TFDP1: variants seen among roughly 807,000 people sequenced by gnomAD.
TFDP1 encodes transcription factor Dp-1.
A neutral mutation model predicts 48.0 loss-of-function variants in TFDP1; 6 were observed. That is an observed-to-expected ratio of 0.13 (90% CI 0.07 to 0.25). The LOEUF (loss-of-function observed/expected upper bound fraction) is 0.25, where lower values mean the gene tolerates loss of function less well. TFDP1 is among the 10% of genes least tolerant of loss of function. The pLI, the probability that TFDP1 is intolerant of heterozygous loss-of-function variation, is 1.00. For missense variants in TFDP1, 335 were observed against 543.0 expected (o/e 0.62, Z 3.81); for synonymous variants, 201 against 211.6 (o/e 0.95, Z 0.44).
rs1396037738 is a variant in TFDP1 at position 113,613,296 on chromosome 13, G to A, written c.79+2234G>A. On this transcript the variant is annotated intron_variant, in intron 3 of 11. Transcript: ENST00000375370. The stretch of plus-strand genomic sequence containing the variant: ...CCCAAAGTGCTGGGATTACAGGCGG[G>A]AGCCACTGCACCCGGCCACACGTGG... Among the ~76,000 whole-genome samples the A allele has an allele frequency of 5.9e-5, 9 of 152,214 alleles. No homozygotes were observed. The East Asian group carries it at 1.7e-3, about 29-fold the overall frequency.
intron 2 of TFDP1, among the ~76,000 whole-genome samples, chr13:113,600,373 A>G (rs565889366): frequency 1.2e-5 from 1 of 84,730 alleles, no homozygotes; most frequent in East Asian, 3.3e-4. Flanking sequence ...CAGGACCGCG[A>G]TAGAGAACCC....
intron 2 of TFDP1, among the ~76,000 whole-genome samples, chr13:113,603,072 G>C (rs1370487186): frequency 6.6e-6 from 1 of 152,136 alleles, no homozygotes; most frequent in Non-Finnish European, 1.5e-5. Context: ...GGATAAGCCT[G>C]GTTTATACTC....
At chr13:113,604,160 CAAAAAA>C (rs5806996) in intron 2 of TFDP1, among the ~76,000 whole-genome samples, 4 of 104,496 alleles carry the variant, frequency 3.8e-5, no homozygotes, top group South Asian at 3.5e-4. Context: ...CAGCCTGTCT[CAAAAAA>C]AAAAAAAAAA....
intron 2 of TFDP1, among the ~76,000 whole-genome samples, chr13:113,603,764 G>A (rs562719212): frequency 6.6e-6 from 1 of 152,196 alleles, no homozygotes; most frequent in Admixed American, 6.5e-5. Flanking sequence ...CACCTTTGCT[G>A]TTGGCTTATA....
At chr13:113,613,450 TGTTC>T (rs2048758544) in intron 3 of TFDP1, among the ~76,000 whole-genome samples, 1 of 152,246 alleles carries the variant, frequency 6.6e-6, no homozygotes. Flanking sequence ...TCACTTCCGG[TGTTC>T]GTTCCAGAGA....
chr13:113,610,376 T>C (rs1201919883), intron 2 of TFDP1, among the ~76,000 whole-genome samples: 1 of 152,100 alleles, frequency 6.6e-6, no homozygotes, highest in East Asian at 1.9e-4. Flanking sequence ...ATCACACGTG[T>C]GACCCCGCTG....
intron 9 of TFDP1, 86 bp from the exon 10 acceptor site, chr13:113,636,448 A>G: frequency 2.1e-6 from 3 of 1,455,568 alleles, no homozygotes; most frequent in Non-Finnish European, 2.8e-6. Flanking sequence ...TGTGGCGGTC[A>G]GCGGGTCAGC....
intron 2 of TFDP1, among the ~76,000 whole-genome samples, chr13:113,586,892 C>G (rs896031921): frequency 6.6e-6 from 1 of 152,230 alleles, no homozygotes; most frequent in African/African-American, 2.4e-5. Context: ...CTACTTTTAT[C>G]CTCTCCACTG....
chr13:113,603,359 C>A (rs955112180), intron 2 of TFDP1, among the ~76,000 whole-genome samples: 1 of 152,216 alleles, frequency 6.6e-6, no homozygotes, highest in African/African-American at 2.4e-5. Context: ...AAGAGGGAGG[C>A]GTTGAGGGCC....
At chr13:113,634,792 C>T (rs917744278) in intron 8 of TFDP1, among the ~76,000 whole-genome samples, 190 bp downstream of exon 8, 12 of 62,774 alleles carry the variant, frequency 1.9e-4, no homozygotes, top group Admixed American at 4.0e-4. Context: ...TGTGCACGTG[C>T]GTGTGCATGC....
chr13:113,593,212 C>T (rs1434364959), intron 2 of TFDP1, among the ~76,000 whole-genome samples: 1 of 138,078 alleles, frequency 7.2e-6, no homozygotes, highest in African/African-American at 2.8e-5. Flanking sequence ...ATCCTCAGCC[C>T]TGTCCAGGTG....
rs112862147 is a variant in TFDP1, at chr13:113,629,300, C to T, written c.187-2323C>T. Among the ~76,000 whole-genome samples the T allele has an allele frequency of 7.8e-3, 1,185 of 152,334 alleles. 9 individuals are homozygous for T. Among genetic ancestry groups the T allele is most frequent in the Non-Finnish European group, 0.014 (926 of 68,016 alleles). Reference sequence around the variant, plus strand: ...ACCTGGCCTCCGTAAACAACGCATTCCCAGTGCACTGGTGGCTCGTTCTCA... The same window carrying T: ...ACCTGGCCTCCGTAAACAACGCATTTCCAGTGCACTGGTGGCTCGTTCTCA... On this transcript the variant is annotated intron_variant, in intron 4 of 11. Transcript: ENST00000375370.
At chr13:113,596,585 T>C (rs1407008265) in intron 2 of TFDP1, among the ~76,000 whole-genome samples, 2 of 152,152 alleles carry the variant, frequency 1.3e-5, no homozygotes, top group Non-Finnish European at 2.9e-5. Flanking sequence ...GCCACAGAAC[T>C]GGAAGCCTGG....
In TFDP1 at chr13:113,611,912, G is replaced by A. The variant is rs556757798; in HGVS notation, c.79+850G>A. 2.7e-3 allele frequency among the ~76,000 whole-genome samples: 417 copies of A among 152,330 alleles called. 2 individuals are homozygous for A. Among genetic ancestry groups the A allele is most frequent in the African/African-American group, 9.7e-3 (405 of 41,588 alleles). On this transcript the variant is annotated intron_variant, in intron 3 of 11. Transcript: ENST00000375370. ...AGTGGGTCCACTGAGTGCCCTGGTC[G>A]CAACATCCACGTGGTCGCATCAGCC...
intron 4 of TFDP1, among the ~76,000 whole-genome samples, chr13:113,624,383 G>A (rs949830850): frequency 2.2e-4 from 33 of 151,440 alleles, no homozygotes; most frequent in African/African-American, 7.5e-4. Flanking sequence ...GTCCCCAGGT[G>A]TCCCCAAGTA....
intron 3 of TFDP1, among the ~76,000 whole-genome samples, chr13:113,614,019 TGTG>T (rs1461820063): frequency 7.2e-6 from 1 of 139,538 alleles, no homozygotes; most frequent in East Asian, 2.1e-4. Context: ...TTGTGTCAGT[TGTG>T]TGCGTGCGTT....
At chr13:113,626,947 A>T (rs978212989) in intron 4 of TFDP1, among the ~76,000 whole-genome samples, 2 of 152,160 alleles carry the variant, frequency 1.3e-5, no homozygotes, top group Non-Finnish European at 2.9e-5. Flanking sequence ...GAATGAGAAG[A>T]TTATCTTATT....
chr13:113,626,811 ATAAGTTGACTAGGAATT>A (rs2049191950), intron 4 of TFDP1, among the ~76,000 whole-genome samples: 1 of 152,230 alleles, frequency 6.6e-6, no homozygotes, highest in African/African-American at 2.4e-5. Context: ...AGGTTTGCTT[ATAAGTTGACTAGGAATT>A]CTAAGTTTGA....
At chr13:113,601,032 T>C (rs956824200) in intron 2 of TFDP1, among the ~76,000 whole-genome samples, 1 of 152,196 alleles carries the variant, frequency 6.6e-6, no homozygotes, top group Non-Finnish European at 1.5e-5. Context: ...AGCGTGTTTG[T>C]GAGATGAGCC....
Sources: allele counts gnomAD v4.1 joint callset (sites outside exome capture counted in the v4.1 genomes callset), GRCh38; gene constraint gnomAD v4.1.1; transcripts MANE v1.5; gene names NCBI Gene and HGNC (gene_info 2026-07-23, HGNC 2026-07-21).